The following PSG1 variants were observed in gnomAD, a reference collection of about 807,000 sequenced individuals.
PSG1 encodes the protein pregnancy specific beta-1-glycoprotein 1.
Under a neutral mutation model 41.4 loss-of-function variants are expected in PSG1, and 60 were observed. The ratio of observed to expected loss-of-function variants is 1.45; its 90% CI spans 1.18 to 1.80. PSG1 has a LOEUF of 1.80. PSG1 is among the 40% of genes most tolerant of loss of function. PSG1 has a pLI of 0.00. For synonymous variants in PSG1, 256 were observed against 192.9 expected (o/e 1.33, Z -2.71); for missense variants, 806 against 516.9 (o/e 1.56, Z -5.42).
chr19:42,870,412 G>A (rs1391777190), intron 3 of PSG1: 11 of 151,370 alleles, frequency 7.3e-5, no homozygotes, highest in South Asian at 2.1e-4. Context: ...CTCTCACCAC[G>A]TTTCTAGCTT....
chr19:42,878,297 A>T lies in PSG1; in HGVS notation c.65-19T>A. ...AGTGATGCTAGGAGGTGGAGAGAAC[A>T]TCAGTCAATATTGAGACCTATGTAT... On this transcript the variant is annotated intron_variant, in intron 1 of 5. Coordinates refer to ENST00000436291, the MANE Select transcript of PSG1 (RefSeq NM_001184825.2). The T allele has an allele frequency of 1.3e-6, 2 of 1,593,140 alleles. No homozygotes were observed. The highest frequency in any genetic ancestry group is 8.5e-7 in the Non-Finnish European group (1 of 1,170,132).
At chr19:42,875,502 C>T (rs1218436549) in intron 2 of PSG1, among the ~76,000 whole-genome samples, 1 of 151,576 alleles carries the variant, frequency 6.6e-6, no homozygotes, top group Admixed American at 6.6e-5. Context: ...CATTCTTTTG[C>T]ATTCTGGCAA....
intron 2 of PSG1, among the ~76,000 whole-genome samples, chr19:42,876,295 G>C (rs1600511147): frequency 6.6e-6 from 1 of 151,462 alleles, no homozygotes; most frequent in Non-Finnish European, 1.5e-5. Context: ...CAGGGACCAG[G>C]TGCCCCCAGT....
At chr19:42,876,090 G>A (rs1224934823) in intron 2 of PSG1, among the ~76,000 whole-genome samples, 1 of 151,470 alleles carries the variant, frequency 6.6e-6, no homozygotes, top group Non-Finnish European at 1.5e-5. Context: ...CACAGTGTTA[G>A]TGGGAAGGGA....
chr19:42,875,939 G>C (rs1186957661), intron 2 of PSG1, among the ~76,000 whole-genome samples: 2 of 149,774 alleles, frequency 1.3e-5, no homozygotes, highest in Admixed American at 1.4e-4. Flanking sequence ...GCCTCACAAA[G>C]GGAAAGAGCC....
At chr19:42,872,573 C>G (rs1355253611) in intron 2 of PSG1, among the ~76,000 whole-genome samples, 1 of 151,592 alleles carries the variant, frequency 6.6e-6, no homozygotes, top group East Asian at 1.9e-4. Flanking sequence ...ACAGGGGAGA[C>G]CAGAGTCAAG....
chr19:42,872,155 A>T, intron 2 of PSG1, 110 bp from the exon 3 acceptor site: 1 of 1,442,048 alleles, frequency 6.9e-7, no homozygotes, highest in South Asian at 1.4e-5. Context: ...CCAAGTCCTT[A>T]AAAGCCCATG....
intron 3 of PSG1, 138 bp downstream of exon 3, chr19:42,871,629 G>C: frequency 6.3e-7 from 1 of 1,597,642 alleles, no homozygotes; most frequent in South Asian, 1.1e-5. Context: ...GTTTGCCTGG[G>C]GCACAAAGTC....
intron 5 of PSG1, chr19:42,867,899 G>C: frequency 6.8e-7 from 1 of 1,466,576 alleles, no homozygotes; most frequent in South Asian, 1.4e-5. Context: ...GGTCTAGGCT[G>C]GGAATATTAT....
In PSG1 at chr19:42,868,769, G is replaced by T. The variant is rs531878843; in HGVS notation, c.975C>A (p.Thr325=). Residue 325 remains threonine, a synonymous_variant, in exon 4 of 6, where the codon ACC becomes ACA. Coordinates refer to ENST00000436291, the MANE Select transcript of PSG1 (RefSeq NM_001184825.2). ...RYGGIRSDPV[T]LNVLYGPDLP... is the part of the protein sequence containing the mutation. ...AAAGATACTCACAGAGGACATTCAG[G>T]GTGACTGGGTCACTGCGGATGCCAC... 1.4e-5 allele frequency: 22 copies of T among 1,611,986 alleles called. No individual in the cohort carries two copies. In the African/African-American group the frequency reaches 2.5e-4, roughly 19 times the overall value.
intron 3 of PSG1, chr19:42,869,739 G>A (rs1360575271): frequency 6.6e-6 from 1 of 152,206 alleles, no homozygotes; most frequent in African/African-American, 2.4e-5. Context: ...AGAGCTGGTG[G>A]CTTTGGAGCA....
intron 5 of PSG1, 80 bp from the exon 6 acceptor site, chr19:42,867,230 C>A: frequency 1.3e-6 from 1 of 758,302 alleles, no homozygotes. Context: ...TTTTATTTTC[C>A]ACATAATTTT....
At chr19:42,868,670 G>C in intron 4 of PSG1, 86 bp downstream of exon 4, 1 of 1,586,284 alleles carries the variant, frequency 6.3e-7, no homozygotes, top group East Asian at 2.2e-5. Flanking sequence ...TCTATACTTG[G>C]ACCGGAGAGA....
chr19:42,877,702 C>G (rs934284761), intron 2 of PSG1, among the ~76,000 whole-genome samples: 1 of 151,678 alleles, frequency 6.6e-6, no homozygotes, highest in Non-Finnish European at 1.5e-5. Flanking sequence ...TCCTCTGCAG[C>G]GAGTGTCTGC....
chr19:42,874,588 G>C (rs910096270), intron 2 of PSG1, among the ~76,000 whole-genome samples: 1 of 151,752 alleles, frequency 6.6e-6, no homozygotes, highest in Non-Finnish European at 1.5e-5. Context: ...CCTTGTGCCC[G>C]CCTCGGCCTC....
intron 2 of PSG1, among the ~76,000 whole-genome samples, chr19:42,874,509 G>C (rs977051303): frequency 6.6e-6 from 1 of 151,516 alleles, no homozygotes; most frequent in African/African-American, 2.4e-5. Context: ...ACCATGCCTG[G>C]CTAATTTTTT....
intron 3 of PSG1, 117 bp from the exon 4 acceptor site, chr19:42,869,151 A>G: frequency 6.5e-7 from 1 of 1,535,292 alleles, no homozygotes; most frequent in Non-Finnish European, 8.8e-7. Flanking sequence ...CTTGAAAGCC[A>G]ATAGCTGGTG....
At chr19:42,870,886 T>C (rs578135955) in intron 3 of PSG1, among the ~76,000 whole-genome samples, 1 of 151,842 alleles carries the variant, frequency 6.6e-6, no homozygotes, top group African/African-American at 2.4e-5. Context: ...ATTATTTCCT[T>C]AATTTCCTTT....
chr19:42,877,019 C>G (rs1971636635), intron 2 of PSG1, among the ~76,000 whole-genome samples: 1 of 151,586 alleles, frequency 6.6e-6, no homozygotes, highest in Non-Finnish European at 1.5e-5. Flanking sequence ...ATCAAATAAG[C>G]TAAATGGCAA....
Sources: gnomAD v4.1 joint callset for allele counts (sites outside exome capture counted in the v4.1 genomes callset) on GRCh38, gnomAD v4.1.1 for gene constraint, MANE v1.5 for transcripts, NCBI Gene and HGNC (gene_info 2026-07-23, HGNC 2026-07-21) for gene names.